NDRG3: variants seen among roughly 807,000 people sequenced by gnomAD.
NDRG3 encodes NDRG family member 3.
A neutral mutation model predicts 57.2 loss-of-function variants in NDRG3; 23 were observed. That is an observed-to-expected ratio of 0.40 (90% CI 0.29 to 0.57). NDRG3 has a LOEUF of 0.57. Among genes scored for constraint, NDRG3 ranks in the 20% least tolerant of loss-of-function variants. NDRG3 has a pLI of 0.42. For synonymous variants in NDRG3, 132 were observed against 162.6 expected, an observed-to-expected ratio of 0.81 and a Z score of 1.43; for missense variants, 384 against 457.3, an observed-to-expected ratio of 0.84 and a Z score of 1.46.
chr20:36,719,259 T>C (rs186482735), intron 2 of NDRG3, among the ~76,000 whole-genome samples: 13 of 151,966 alleles, frequency 8.6e-5, no homozygotes, highest in African/African-American at 3.1e-4. Context: ...AAACCCCATC[T>C]CTAGTCAAAA....
chr20:36,708,520 C>T (rs376757721), intron 2 of NDRG3, among the ~76,000 whole-genome samples: 4 of 151,644 alleles, frequency 2.6e-5, no homozygotes, highest in Middle Eastern at 3.4e-3. Context: ...GGCATGGAGG[C>T]GCCTGTAATC....
intron 9 of NDRG3, among the ~76,000 whole-genome samples, chr20:36,670,366 G>T (rs907715802): frequency 6.6e-6 from 1 of 152,152 alleles, no homozygotes; most frequent in Non-Finnish European, 1.5e-5. Flanking sequence ...AGAATATGGG[G>T]TAGGTGACAG....
intron 8 of NDRG3, among the ~76,000 whole-genome samples, chr20:36,679,383 A>G (rs966597110): frequency 6.6e-6 from 1 of 152,258 alleles, no homozygotes; most frequent in Non-Finnish European, 1.5e-5. Context: ...ATGTCTACTG[A>G]AAGACATAAG....
chr20:36,699,728 G>A (rs984745113), intron 3 of NDRG3, among the ~76,000 whole-genome samples: 1 of 151,970 alleles, frequency 6.6e-6, no homozygotes, highest in Admixed American at 6.6e-5. Context: ...ACACACAGGA[G>A]GTGGATGGGG....
intron 3 of NDRG3, among the ~76,000 whole-genome samples, chr20:36,696,652 C>A (rs1982815030): frequency 6.6e-6 from 1 of 151,958 alleles, no homozygotes; most frequent in South Asian, 2.1e-4. Flanking sequence ...GCCACCATGC[C>A]TAGCTAATTT....
intron 1 of NDRG3, among the ~76,000 whole-genome samples, chr20:36,728,526 A>G (rs1373929741): frequency 6.6e-6 from 1 of 152,230 alleles, no homozygotes; most frequent in East Asian, 1.9e-4. Flanking sequence ...GGACACATAC[A>G]TACATAAACA....
intron 1 of NDRG3, among the ~76,000 whole-genome samples, chr20:36,727,923 G>C (rs1395089558): frequency 6.6e-6 from 1 of 152,112 alleles, no homozygotes; most frequent in Non-Finnish European, 1.5e-5. Flanking sequence ...AAAGAGCCAG[G>C]AGCGGTAGCA....
chr20:36,731,207 A>G (rs904929241), intron 1 of NDRG3, among the ~76,000 whole-genome samples: 40 of 152,192 alleles, frequency 2.6e-4, no homozygotes, highest in African/African-American at 9.4e-4. Flanking sequence ...GGAGGTCTGT[A>G]GGCCTGGGCT....
At chr20:36,717,057 A>G (rs1416187153) in intron 2 of NDRG3, among the ~76,000 whole-genome samples, 2 of 152,246 alleles carry the variant, frequency 1.3e-5, no homozygotes, top group Non-Finnish European at 2.9e-5. Context: ...AAATAGTTAA[A>G]TGCTATTTTA....
At chr20:36,679,043 T>C (rs1981011175) in intron 8 of NDRG3, among the ~76,000 whole-genome samples, 1 of 152,132 alleles carries the variant, frequency 6.6e-6, no homozygotes, top group Non-Finnish European at 1.5e-5. Context: ...CTCCACCTCC[T>C]GGGTTCAAGC....
chr20:36,656,674 G>T, intron 13 of NDRG3, 142 bp from the exon 14 acceptor site: 1 of 774,884 alleles, frequency 1.3e-6, no homozygotes, highest in Non-Finnish European at 2.2e-6. Context: ...ATGCACCTAC[G>T]TACAAACATT....
chr20:36,658,507 T>G (rs1437559762), intron 13 of NDRG3, among the ~76,000 whole-genome samples: 1 of 152,212 alleles, frequency 6.6e-6, no homozygotes, highest in Non-Finnish European at 1.5e-5. Flanking sequence ...ACATTAGATT[T>G]CTAGGAACTA....
At chr20:36,721,475 G>C (rs1984586377) in intron 2 of NDRG3, among the ~76,000 whole-genome samples, 1 of 151,816 alleles carries the variant, frequency 6.6e-6, no homozygotes, top group African/African-American at 2.4e-5. Flanking sequence ...GTTGCAGTGA[G>C]CCGAGATTGC....
At chr20:36,699,312 G>A (rs1459256972) in intron 3 of NDRG3, among the ~76,000 whole-genome samples, 2 of 152,102 alleles carry the variant, frequency 1.3e-5, no homozygotes, top group East Asian at 3.8e-4. Flanking sequence ...GTTTCCTTCT[G>A]GGAATGGATA....
At chr20:36,709,904 T>A (rs2148174843) in intron 2 of NDRG3, among the ~76,000 whole-genome samples, 1 of 147,254 alleles carries the variant, frequency 6.8e-6, no homozygotes, top group African/African-American at 2.5e-5. Flanking sequence ...AATTTTGGGT[T>A]AAAAAAAAAA....
Position 36,651,918 on chromosome 20 carries a change from A to G in NDRG3, c.*1602T>C, listed in dbSNP as rs1342803088. The stretch of plus-strand genomic sequence containing the variant: ...TGGAACTGTGTAACCCTGAGCTTAC[A>G]TCTCAATGCTCCCAAGAGCTGGGCT... On this transcript the variant is annotated 3_prime_UTR_variant, in exon 16 of 16. Transcript: ENST00000349004. 1 of 152,186 alleles carries G rather than the reference A, an allele frequency of 6.6e-6. No individual in the cohort carries two copies. The allele number at this position is 152,186 out of a possible 1,614,324, so 9.4% of individuals were successfully genotyped here.
At chr20:36,683,200 C>T (rs549206903) in intron 6 of NDRG3, among the ~76,000 whole-genome samples, 8 of 151,898 alleles carry the variant, frequency 5.3e-5, no homozygotes, top group Admixed American at 1.3e-4. Flanking sequence ...GCCGAGAATG[C>T]GCCACTGCAC....
At chr20:36,674,071 A>G (rs1256883559) in intron 8 of NDRG3, among the ~76,000 whole-genome samples, 1 of 152,080 alleles carries the variant, frequency 6.6e-6, no homozygotes, top group Non-Finnish European at 1.5e-5. Context: ...GCCACTGCAC[A>G]CTCCAGCCTG....
intron 8 of NDRG3, 134 bp from the exon 9 acceptor site, chr20:36,671,531 G>A (rs1448422280): frequency 3.4e-5 from 22 of 640,198 alleles, no homozygotes; most frequent in African/African-American, 1.5e-4. Flanking sequence ...GGCCAGGTGC[G>A]ATGGCTCACG....
Sources: gnomAD v4.1 joint callset for allele counts (sites outside exome capture counted in the v4.1 genomes callset) on GRCh38, gnomAD v4.1.1 for gene constraint, MANE v1.5 for transcripts, NCBI Gene and HGNC (gene_info 2026-07-23, HGNC 2026-07-21) for gene names.